Variants in DYDC1 observed in about 807,000 individuals in gnomAD.
DYDC1 encodes DPY30 domain-containing protein 1.
In DYDC1, 21 loss-of-function variants were observed where a neutral mutation model predicts 27.9. That is an observed-to-expected ratio of 0.75 (90% confidence interval 0.53 to 1.08). The LOEUF is 1.08. Among genes scored for constraint, DYDC1 ranks in the 50% least tolerant of loss-of-function variants. The probability of loss-of-function intolerance (pLI) is 0.00; values close to 1 mark genes in which losing one functional copy is unlikely to be tolerated. For synonymous variants in DYDC1, 67 were observed against 65.8 expected, an observed-to-expected ratio of 1.02 and a Z score of -0.09; for missense variants, 202 against 205.9, an observed-to-expected ratio of 0.98 and a Z score of 0.12.
chr10:80,346,309 C>T (rs1371616865), intron 3 of DYDC1, among the ~76,000 whole-genome samples: 2 of 152,134 alleles, frequency 1.3e-5, no homozygotes, highest in African/African-American at 4.8e-5. Flanking sequence ...ATTACTGGGT[C>T]ATATGGTAGC....
At chr10:80,356,632 G>A in intron 1 of DYDC1, 80 bp downstream of exon 1, 2 of 985,488 alleles carry the variant, frequency 2.0e-6, no homozygotes, top group Non-Finnish European at 2.4e-6. Flanking sequence ...CCAACGGTCA[G>A]AACCGCCTCT....
At chr10:80,342,853 T>C (rs1398539713) in intron 3 of DYDC1, among the ~76,000 whole-genome samples, 2 of 152,006 alleles carry the variant, frequency 1.3e-5, no homozygotes, top group Admixed American at 1.3e-4. Flanking sequence ...GGGTGGCACA[T>C]GCCTGTAATC....
chr10:80,340,669 T>C (rs1046060537), intron 4 of DYDC1, among the ~76,000 whole-genome samples: 2 of 152,206 alleles, frequency 1.3e-5, no homozygotes, highest in Non-Finnish European at 2.9e-5. Flanking sequence ...TCAGTTTAGA[T>C]CCGTGAATCT....
chr10:80,348,371 T>C (rs1204721977), intron 3 of DYDC1, among the ~76,000 whole-genome samples: 3 of 152,216 alleles, frequency 2.0e-5, no homozygotes, highest in Non-Finnish European at 4.4e-5. Flanking sequence ...TGATAATGTT[T>C]CTTAATTCAT....
At position 80,351,976 on chromosome 10, in the gene DYDC1, C is replaced by T. The variant is rs1716680558; in HGVS notation, c.174G>A (p.Glu58=). Residue 58 remains glutamate (E), a synonymous_variant, in exon 3 of 7, where the codon GAG becomes GAA. Transcript: ENST00000372202. Reference sequence around the variant, plus strand: ...CCATCAGAGCTAATTCTCTTTCACGCTCCAGCTTGGCCATTTCCTTTTGTC... The same window carrying T: ...CCATCAGAGCTAATTCTCTTTCACGTTCCAGCTTGGCCATTTCCTTTTGTC... The part of the protein sequence containing the change: ...QLRQKEMAKL[E]RERELALMEQ... 1 of 1,614,040 alleles carries T rather than the reference C, an allele frequency of 6.2e-7. No homozygotes were observed. The highest frequency in any genetic ancestry group is 1.3e-5 in the African/African-American group (1 of 74,928).
rs1447157242 is a variant in DYDC1, at chr10:80,336,154, TCCTACAAA to T, written c.528_*1del. 1 of 1,513,188 alleles carries T rather than the reference TCCTACAAA, an allele frequency of 6.6e-7. No homozygotes were observed. Among genetic ancestry groups the T allele is most frequent in the East Asian group, 2.3e-5 (1 of 43,944 alleles). The allele number at this position is 1,513,188 out of a possible 1,614,324, so 93.7% of individuals were successfully genotyped here. On this transcript the variant is annotated stop_lost and 3_prime_UTR_variant, in exon 7 of 7. Transcript: ENST00000372202. ...CATTTATTGCTCTTAGGTTGGTTGG[TCCTACAAA>T]TCTTGATCAATGTTTAATGCAATCT...
chr10:80,348,568 T>C (rs1043124587), intron 3 of DYDC1, among the ~76,000 whole-genome samples: 1 of 152,248 alleles, frequency 6.6e-6, no homozygotes, highest in African/African-American at 2.4e-5. Flanking sequence ...GGATGTATTT[T>C]CCAACCTCGA....
chr10:80,336,312 A>G, intron 6 of DYDC1, 127 bp from the exon 7 acceptor site: 4 of 1,370,274 alleles, frequency 2.9e-6, no homozygotes, highest in Non-Finnish European at 3.7e-6. Flanking sequence ...GGAGTTTCAG[A>G]TGATTTCAAA....
intron 1 of DYDC1, among the ~76,000 whole-genome samples, chr10:80,353,949 A>G (rs1342596111): frequency 6.6e-6 from 1 of 151,916 alleles, no homozygotes; most frequent in African/African-American, 2.4e-5. Context: ...CCCAGTCTCT[A>G]CTGAAAATAC....
intron 1 of DYDC1, among the ~76,000 whole-genome samples, chr10:80,355,694 G>C (rs1843322761): frequency 6.6e-6 from 1 of 152,106 alleles, no homozygotes; most frequent in African/African-American, 2.4e-5. Flanking sequence ...AAGAAAACGA[G>C]GTGCTGAAAT....
At chr10:80,347,276 C>CTTTTTTTTTTT (rs556362145) in intron 3 of DYDC1, among the ~76,000 whole-genome samples, 1 of 90,114 alleles carries the variant, frequency 1.1e-5, no homozygotes, top group African/African-American at 4.4e-5. Context: ...AATTGGGATC[C>CTTTTTTTTTTT]TTTTTTTTTT....
At chr10:80,336,088 A>C, downstream of DYDC1, 1 of 1,086,596 alleles carries the variant, frequency 9.2e-7, no homozygotes, top group South Asian at 1.4e-5. Context: ...AAAAAATACA[A>C]ATTGGGAACC....
chr10:80,356,523 C>T (rs990734142), intron 1 of DYDC1, 189 bp downstream of exon 1: 13 of 985,524 alleles, frequency 1.3e-5, no homozygotes, highest in Non-Finnish European at 1.6e-5. Context: ...CAGCGCTCCC[C>T]GCTCAGGGGG....
chr10:80,340,180 G>A (rs1842271935), intron 4 of DYDC1, among the ~76,000 whole-genome samples: 1 of 152,192 alleles, frequency 6.6e-6, no homozygotes, highest in African/African-American at 2.4e-5. Flanking sequence ...GGTAGCATCT[G>A]ATTCTCTTGC....
intron 4 of DYDC1, among the ~76,000 whole-genome samples, chr10:80,340,629 C>G (rs924664880): frequency 3.3e-5 from 5 of 152,100 alleles, no homozygotes; most frequent in Admixed American, 3.3e-4. Context: ...TTGATCACTG[C>G]CTTCTTGATA....
chr10:80,339,106 T>C lies in DYDC1; in HGVS notation c.390A>G (p.Leu130=), dbSNP rs1278793632. The change falls in exon 5 of 7, where the codon CTA becomes CTG. Residue 130 remains leucine (L), a synonymous_variant. Transcript: ENST00000372202. ...MENLVRNEDI[L]HSEEATLDSG... ...GACTTTTTCTTCTCACCTCTGAATG[T>C]AGAATATCTTCATTCCTAACTAGAT... 3 of 1,393,392 alleles carry C rather than the reference T, an allele frequency of 2.2e-6. No homozygotes were observed. Among genetic ancestry groups the C allele is most frequent in the South Asian group, 1.4e-5 (1 of 70,736 alleles). The allele number at this position is 1,393,392 out of a possible 1,614,324, so 86.3% of individuals were successfully genotyped here. A position where few individuals can be genotyped will look rare whatever the true frequency, so the allele number is the denominator to read the frequency against.
Position 80,343,907 on chromosome 10 carries a change from G to A in DYDC1, c.250-1546C>T, listed in dbSNP as rs1261514085. Among the ~76,000 whole-genome samples the A allele has an allele frequency of 3.9e-5, 6 of 152,280 alleles. No homozygotes were observed. The East Asian group carries it at 1.2e-3, about 29-fold the overall frequency. On this transcript the variant is annotated intron_variant, in intron 3 of 6. Transcript: ENST00000372202. ...CCAGCACTTGGAAGGCCTGAGGACA[G>A]GAGTTCAAGACCAGCCTGGCCAACA...
At chr10:80,338,666 C>T in intron 5 of DYDC1, 95 bp from the exon 6 acceptor site, 1 of 1,249,544 alleles carries the variant, frequency 8.0e-7, no homozygotes, top group African/African-American at 1.6e-5. Context: ...TGATTTATAA[C>T]ATTAAAATTC....
At chr10:80,338,170 C>T (rs930832547) in intron 6 of DYDC1, 8 of 985,228 alleles carry the variant, frequency 8.1e-6, no homozygotes, top group Admixed American at 1.2e-4. Flanking sequence ...ATCGTGCCCC[C>T]CACACCAAAT....
Sources: gnomAD v4.1 joint callset for allele counts (sites outside exome capture counted in the v4.1 genomes callset) on GRCh38, gnomAD v4.1.1 for gene constraint, MANE v1.5 for transcripts, NCBI Gene and HGNC (gene_info 2026-07-23, HGNC 2026-07-21) for gene names.